Variants in SCAI observed in about 807,000 individuals in gnomAD.
The protein encoded by SCAI is protein SCAI.
In SCAI, 24 loss-of-function variants were observed where a neutral mutation model predicts 92.2. The observed-to-expected ratio is 0.26, with a 90% confidence interval of 0.19 to 0.37. SCAI has a LOEUF of 0.37. Ranked by LOEUF, SCAI falls within the 10% of genes least tolerant of loss-of-function variation. The probability of loss-of-function intolerance (pLI) is 1.00; values close to 1 mark genes in which losing one functional copy is unlikely to be tolerated. For missense variants in SCAI, 450 were observed against 736.2 expected (o/e 0.61, Z 4.50); for synonymous variants, 261 against 258.6 (o/e 1.01, Z -0.09).
chr9:125,053,523 A>T (rs1833604955), intron 3 of SCAI, among the ~76,000 whole-genome samples: 1 of 152,224 alleles, frequency 6.6e-6, no homozygotes, highest in Non-Finnish European at 1.5e-5. Context: ...TGAACCTCAA[A>T]AACATTATGT....
intron 2 of SCAI, among the ~76,000 whole-genome samples, chr9:125,133,073 A>G (rs1007332301): frequency 4.6e-5 from 7 of 152,090 alleles, no homozygotes; most frequent in Admixed American, 2.0e-4. Context: ...ATGGGAGAAA[A>G]CATAAGCAAA....
At chr9:125,087,630 G>A (rs180743397) in intron 2 of SCAI, among the ~76,000 whole-genome samples, 59 of 152,262 alleles carry the variant, frequency 3.9e-4, no homozygotes, top group African/African-American at 1.2e-3. Flanking sequence ...AAGTACTTGC[G>A]GCAGATAGCT....
chr9:125,032,195 A>ATATATATTTT (rs1177865840), intron 3 of SCAI, among the ~76,000 whole-genome samples: 87 of 99,430 alleles, frequency 8.7e-4, no homozygotes, highest in East Asian at 6.2e-3. Flanking sequence ...ATATATATAT[A>ATATATATTTT]TTTTTTTTTT....
At chr9:125,010,992 C>A (rs1186302517) in intron 9 of SCAI, among the ~76,000 whole-genome samples, 1 of 152,014 alleles carries the variant, frequency 6.6e-6, no homozygotes, top group African/African-American at 2.4e-5. Flanking sequence ...AGAAGGAAAA[C>A]TAACAAACAG....
chr9:125,020,874 C>A, intron 6 of SCAI, 105 bp from the exon 7 acceptor site: 1 of 543,750 alleles, frequency 1.8e-6, no homozygotes. Context: ...CTTTTCTGCA[C>A]AATTATAAAC....
chr9:125,116,184 C>G (rs1835043206), intron 2 of SCAI, among the ~76,000 whole-genome samples: 1 of 150,820 alleles, frequency 6.6e-6, no homozygotes, highest in Non-Finnish European at 1.5e-5. Flanking sequence ...GACTCCATCT[C>G]AAAAAAAATT....
Position 125,070,270 on chromosome 9 carries a change from T to C in SCAI, c.99-14263A>G, listed in dbSNP as rs76671065. ...TAGCTACCACTTGGTACAGATGGCA[T>C]TCCTATAATGGGAACAAATGACAGA... On this transcript the variant is annotated intron_variant, in intron 2 of 17. Coordinates refer to ENST00000336505, the MANE Select transcript of SCAI (RefSeq NM_001144877.3). Among the ~76,000 whole-genome samples, 9 of 152,298 alleles carry C rather than the reference T, an allele frequency of 5.9e-5. No homozygotes were observed. In the East Asian group the frequency reaches 1.7e-3, roughly 29 times the overall value.
At chr9:124,988,281 G>A (rs1175636517) in intron 14 of SCAI, among the ~76,000 whole-genome samples, 1 of 152,030 alleles carries the variant, frequency 6.6e-6, no homozygotes, top group Non-Finnish European at 1.5e-5. Flanking sequence ...ACCCCTCAGA[G>A]CTTCTGATCA....
intron 17 of SCAI, among the ~76,000 whole-genome samples, chr9:124,953,632 C>G (rs1588112584): frequency 1.3e-5 from 2 of 151,960 alleles, no homozygotes; most frequent in Admixed American, 6.6e-5. Flanking sequence ...AGCCTGGTCT[C>G]GAACTCCTGA....
intron 6 of SCAI, among the ~76,000 whole-genome samples, chr9:125,025,739 G>T (rs375041478): frequency 3.9e-5 from 6 of 152,152 alleles, no homozygotes; most frequent in African/African-American, 1.4e-4. Flanking sequence ...CCATGCAAAC[G>T]CCCCTAGACA....
intron 14 of SCAI, among the ~76,000 whole-genome samples, chr9:124,985,575 A>C (rs959567948): frequency 6.6e-6 from 1 of 152,200 alleles, no homozygotes; most frequent in African/African-American, 2.4e-5. Context: ...TCATATAGAA[A>C]ATCCAATTTC....
In SCAI at chr9:125,120,586, G is replaced by A. The variant is rs137918082; in HGVS notation, c.98+22047C>T. Among the ~76,000 whole-genome samples the A allele has an allele frequency of 1.3e-4, 20 of 152,136 alleles. 1 individual carries two copies. In the East Asian group the frequency reaches 3.7e-3, roughly 28 times the overall value. ...CAGGCGCCTGTAATCCCAGCTACTC[G>A]GGAGGCTGAGGCAGGAGAATCACTT... On this transcript the variant is annotated intron_variant, in intron 2 of 17. Coordinates refer to ENST00000336505, the MANE Select transcript of SCAI (RefSeq NM_001144877.3).
intron 1 of SCAI, 133 bp downstream of exon 1, chr9:125,143,252 T>TG: frequency 6.7e-6 from 2 of 299,936 alleles, no homozygotes; most frequent in Non-Finnish European, 5.2e-6. Context: ...GCCCCCAAGG[T>TG]CCCCCCAGCC....
At chr9:125,016,772 T>C (rs146918067) in intron 9 of SCAI, among the ~76,000 whole-genome samples, 31 of 152,148 alleles carry the variant, frequency 2.0e-4, no homozygotes, top group African/African-American at 6.5e-4. Flanking sequence ...AAAGATATCA[T>C]AGATCTAAAT....
intron 9 of SCAI, 22 bp downstream of exon 9, chr9:125,018,777 T>C: frequency 3.2e-6 from 5 of 1,586,888 alleles, no homozygotes; most frequent in Non-Finnish European, 4.3e-6. Context: ...ATTTTAAGCA[T>C]AATTCCTTCA....
At chr9:125,129,914 G>T (rs10760393) in intron 2 of SCAI, among the ~76,000 whole-genome samples, 65,096 of 149,252 alleles carry the variant, frequency 0.44, 14,378 homozygotes, top group East Asian at 0.53. Context: ...CTTTTTTTTT[G>T]TTGAGATGGA....
chr9:125,051,732 A>G (rs1430967442), intron 3 of SCAI, among the ~76,000 whole-genome samples: 1 of 152,236 alleles, frequency 6.6e-6, no homozygotes, highest in Non-Finnish European at 1.5e-5. Flanking sequence ...TTTCTGATTT[A>G]AAAAATAACA....
intron 3 of SCAI, among the ~76,000 whole-genome samples, chr9:125,036,154 A>C (rs1833192275): frequency 6.6e-6 from 1 of 152,166 alleles, no homozygotes; most frequent in Non-Finnish European, 1.5e-5. Flanking sequence ...TGTCTTAAAA[A>C]TAAATAAATA....
At chr9:124,992,476 C>T (rs1221362218) in intron 14 of SCAI, among the ~76,000 whole-genome samples, 36 of 151,604 alleles carry the variant, frequency 2.4e-4, no homozygotes, top group Non-Finnish European at 8.8e-5. Flanking sequence ...CTCCATCTCC[C>T]GGGTTCAAGC....
Sources: gnomAD v4.1 joint callset for allele counts (sites outside exome capture counted in the v4.1 genomes callset) on GRCh38, gnomAD v4.1.1 for gene constraint, MANE v1.5 for transcripts, NCBI Gene and HGNC (gene_info 2026-07-23, HGNC 2026-07-21) for gene names.